The following GNAI2 variants were observed in gnomAD, a reference collection of about 807,000 sequenced individuals.
GNAI2 encodes the protein guanine nucleotide-binding protein G(i) subunit alpha-2.
In GNAI2, 4 loss-of-function variants were observed where a neutral mutation model predicts 36.8. That is an observed-to-expected ratio of 0.11 (90% CI 0.05 to 0.25). GNAI2 has a LOEUF of 0.25. Ranked by LOEUF, GNAI2 falls within the 10% of genes least tolerant of loss-of-function variation. GNAI2 has a pLI of 1.00. For synonymous variants in GNAI2, 194 were observed against 194.1 expected, an observed-to-expected ratio of 1.00 and a Z score of 0.01; for missense variants, 230 against 481.3, an observed-to-expected ratio of 0.48 and a Z score of 4.89.
rs1364508096 is a variant in GNAI2 at position 50,236,755 on chromosome 3, T to TC, written c.118+303dup. On this transcript the variant is annotated intron_variant, in intron 1 of 8. Coordinates refer to ENST00000313601, the MANE Select transcript of GNAI2 (RefSeq NM_002070.4). This position sits in a 1 kb window ranked among gnomAD's most constrained non-coding sequence, Gnocchi z 4.0. ...CCTTGCTAACTAGCTTCACAGAACTTCAGAGCCCCGCCATCCTTCCCTACA... is the reference window on the plus strand; with the variant it reads ...CCTTGCTAACTAGCTTCACAGAACTTCCAGAGCCCCGCCATCCTTCCCTACA... Among the ~76,000 whole-genome samples the TC allele has an allele frequency of 4.0e-5, 6 of 151,174 alleles. No individual in the cohort carries two copies. The East Asian group carries it at 1.2e-3, about 30-fold the overall frequency.
At chr3:50,250,304 C>T (rs1347889984) in intron 1 of GNAI2, among the ~76,000 whole-genome samples, 2 of 152,162 alleles carry the variant, frequency 1.3e-5, no homozygotes, top group African/African-American at 2.4e-5. Context: ...GCACCTTCAT[C>T]CTCTGAGGTT....
chr3:50,254,876 C>T (rs1195514708), intron 4 of GNAI2, among the ~76,000 whole-genome samples: 1 of 152,218 alleles, frequency 6.6e-6, no homozygotes, highest in Non-Finnish European at 1.5e-5. Flanking sequence ...CGGATTGGAA[C>T]ACCACAGGAA....
Position 50,259,163 on chromosome 3 carries a change from G to T in GNAI2, c.*820G>T. 3.0e-6 allele frequency: 1 copy of T among 329,608 alleles called. No individual in the cohort carries two copies. The highest frequency in any genetic ancestry group is 5.9e-6 in the Non-Finnish European group (1 of 169,624). 20.4% of individuals were successfully genotyped at this position (329,608 alleles called of 1,614,324 possible). A position where few individuals can be genotyped will look rare whatever the true frequency, so the allele number is the denominator to read the frequency against. The stretch of plus-strand genomic sequence containing the variant: ...CCCTGCCCCAGCGGCCCTGGCCCCA[G>T]GCTCTATTAACCTAAAATGTAGCTC... On this transcript the variant is annotated 3_prime_UTR_variant, in exon 9 of 9. Transcript: ENST00000313601.
chr3:50,253,246 C>A lies in GNAI2; in HGVS notation c.464+62C>A. On this transcript the variant is annotated intron_variant, in intron 4 of 8. Coordinates refer to ENST00000313601, the MANE Select transcript of GNAI2 (RefSeq NM_002070.4). The surrounding 1 kb of genome is among the most constrained non-coding windows in gnomAD (Gnocchi z 4.2). Reference sequence around the variant, plus strand: ...GGCTGGGGGAGGACTAAAGGCTGGACCGGAGGGCCTGAGAACCCCCAGAAG... The same window carrying A: ...GGCTGGGGGAGGACTAAAGGCTGGAACGGAGGGCCTGAGAACCCCCAGAAG... 1.5e-6 allele frequency: 2 copies of A among 1,372,182 alleles called. No individual in the cohort carries two copies. Among genetic ancestry groups the A allele is most frequent in the African/African-American group, 2.8e-5 (2 of 70,326 alleles). 85.0% of individuals were successfully genotyped at this position (1,372,182 alleles called of 1,614,324 possible). A position where few individuals can be genotyped will look rare whatever the true frequency, so the allele number is the denominator to read the frequency against.
chr3:50,250,525 T>G (rs1553702296), intron 1 of GNAI2, among the ~76,000 whole-genome samples: 1 of 152,196 alleles, frequency 6.6e-6, no homozygotes, highest in African/African-American at 2.4e-5. Flanking sequence ...CTAGAGGTAG[T>G]GCCTGGCAGC....
upstream of GNAI2, among the ~76,000 whole-genome samples, chr3:50,233,724 A>G (rs904179155): frequency 9.9e-5 from 15 of 152,238 alleles, no homozygotes; most frequent in African/African-American, 3.6e-4. Flanking sequence ...GACATGGGAC[A>G]TCATATCCTA....
upstream of GNAI2, among the ~76,000 whole-genome samples, chr3:50,233,024 A>C (rs1553699950): frequency 6.6e-6 from 1 of 151,356 alleles, no homozygotes; most frequent in Non-Finnish European, 1.5e-5. Flanking sequence ...TGGGGCTGGC[A>C]ATCAAAGAAG....
In GNAI2 at chr3:50,259,229, C is replaced by G. The variant is rs1196664446; in HGVS notation, c.*886C>G. On this transcript the variant is annotated 3_prime_UTR_variant, in exon 9 of 9. Coordinates refer to ENST00000313601, the MANE Select transcript of GNAI2 (RefSeq NM_002070.4). The stretch of plus-strand genomic sequence containing the variant: ...GGAACCGCCGCTGCCTGCTGGGGGG[C>G]CACGCCCCTCATGCCCTTGTCCCAG... 4.7e-6 allele frequency: 1 copy of G among 212,070 alleles called. No individual in the cohort carries two copies. The highest frequency in any genetic ancestry group is 2.3e-5 in the African/African-American group (1 of 43,016). The allele number at this position is 212,070 out of a possible 1,614,324, so 13.1% of individuals were successfully genotyped here.
upstream of GNAI2, among the ~76,000 whole-genome samples, chr3:50,234,062 AT>A (rs782209651): frequency 0.05 from 4,127 of 82,512 alleles, 300 homozygotes; most frequent in East Asian, 0.47. Context: ...CGCCCAGCTG[AT>A]TTTTTTTTTT....
chr3:50,255,595 G>A lies in GNAI2; in HGVS notation c.465-597G>A, dbSNP rs1037153149. Among the ~76,000 whole-genome samples the A allele has an allele frequency of 5.3e-5, 8 of 152,152 alleles. No homozygotes were observed. The highest frequency in any genetic ancestry group is 8.8e-5 in the Non-Finnish European group (6 of 68,010). On this transcript the variant is annotated intron_variant, in intron 4 of 8. Coordinates refer to ENST00000313601, the MANE Select transcript of GNAI2 (RefSeq NM_002070.4). The surrounding 1 kb of genome is among the most constrained non-coding windows in gnomAD (Gnocchi z 4.0). Reference sequence around the variant, plus strand: ...TCCAACATCCTGGATCCTGTCCGAGGCAGGTCTGGCTCAGACCCTGGGTGC... The same window carrying A: ...TCCAACATCCTGGATCCTGTCCGAGACAGGTCTGGCTCAGACCCTGGGTGC...
upstream of GNAI2, chr3:50,229,653 C>T (rs1165141000): frequency 1.3e-5 from 2 of 152,372 alleles, no homozygotes; most frequent in Non-Finnish European, 2.9e-5. Flanking sequence ...CCTTCCCAAC[C>T]CAGGGCCCTT....
intron 1 of GNAI2, among the ~76,000 whole-genome samples, chr3:50,246,463 C>A (rs1290922383): frequency 6.6e-6 from 1 of 152,192 alleles, no homozygotes; most frequent in Non-Finnish European, 1.5e-5. Context: ...GTGGCACCTT[C>A]CTGGGATAAG....
At position 50,256,329 on chromosome 3, in the gene GNAI2, G is replaced by A. The variant is rs1553703174; in HGVS notation, c.593+9G>A. 1.2e-6 allele frequency: 2 copies of A among 1,613,718 alleles called. No individual in the cohort carries two copies. Among genetic ancestry groups the A allele is most frequent in the Non-Finnish European group, 1.7e-6 (2 of 1,179,646 alleles). ...AAGGACCTACACTTCAAGTGAGCGA[G>A]CATGTGGACAGGTGGGAGGGGCAGG... is the stretch of plus-strand genomic sequence containing the variant. On this transcript the variant is annotated intron_variant, in intron 5 of 8. Coordinates refer to ENST00000313601, the MANE Select transcript of GNAI2 (RefSeq NM_002070.4).
In GNAI2 at chr3:50,236,347, C is replaced by A. The variant is rs782141043; in HGVS notation, c.12C>A (p.Thr4=). The A allele has an allele frequency of 6.6e-7, 1 of 1,516,658 alleles. No individual in the cohort carries two copies. The highest frequency in any genetic ancestry group is 8.8e-7 in the Non-Finnish European group (1 of 1,141,080). The allele number at this position is 1,516,658 out of a possible 1,614,324, so 94.0% of individuals were successfully genotyped here. A position where few individuals can be genotyped will look rare whatever the true frequency, so the allele number is the denominator to read the frequency against. MGC[T]VSAEDKAAAE... is the part of the protein sequence containing the mutation. ...CGGCGGACGGCGGGATGGGCTGCACCGTGAGCGCCGAGGACAAGGCGGCGG... is the reference window on the plus strand; with the variant it reads ...CGGCGGACGGCGGGATGGGCTGCACAGTGAGCGCCGAGGACAAGGCGGCGG... Residue 4 remains threonine (T), a synonymous_variant, in exon 1 of 9, where the codon ACC becomes ACA. Transcript: ENST00000313601. The surrounding 1 kb of genome is among the most constrained non-coding windows in gnomAD (Gnocchi z 4.0).
rs1269775510 is a variant in GNAI2, at chr3:50,255,366, CTG to C, written c.465-823_465-822del. Among the ~76,000 whole-genome samples, 2 of 152,210 alleles carry C rather than the reference CTG, an allele frequency of 1.3e-5. No homozygotes were observed. The highest frequency in any genetic ancestry group is 4.8e-5 in the African/African-American group (2 of 41,456). ...CCTGGGACCCCTGCCAAGCAGGTGT[CTG>C]TGCCCTCCCCCTGAGGAACCCAGAT... On this transcript the variant is annotated intron_variant, in intron 4 of 8. Coordinates refer to ENST00000313601, the MANE Select transcript of GNAI2 (RefSeq NM_002070.4). The surrounding 1 kb of genome is among the most constrained non-coding windows in gnomAD (Gnocchi z 4.0).
chr3:50,243,390 C>G (rs1217453627), intron 1 of GNAI2, among the ~76,000 whole-genome samples: 1 of 152,256 alleles, frequency 6.6e-6, no homozygotes, highest in South Asian at 2.1e-4. Flanking sequence ...CATTGCTCTC[C>G]AAAGCCGGAA....
chr3:50,256,176 C>CCCCCA lies in GNAI2; in HGVS notation c.465-16_465-15insCCCCA. On this transcript the variant is annotated splice_polypyrimidine_tract_variant and intron_variant, in intron 4 of 8. Coordinates refer to ENST00000313601, the MANE Select transcript of GNAI2 (RefSeq NM_002070.4). ...CCATGCTGGCCCCCACTGACCCTCC[C>CCCCCA]ACCCCCCATCCCCAGCTACCTGAAC... is the stretch of plus-strand genomic sequence containing the variant. 1.4e-6 allele frequency: 2 copies of CCCCCA among 1,399,396 alleles called. No homozygotes were observed. The highest frequency in any genetic ancestry group is 1.4e-5 in the African/African-American group (1 of 70,220). The allele number at this position is 1,399,396 out of a possible 1,614,324, so 86.7% of individuals were successfully genotyped here. A position where few individuals can be genotyped will look rare whatever the true frequency, so the allele number is the denominator to read the frequency against.
In GNAI2 at chr3:50,241,954, C is replaced by T. The variant is rs2109190763; in HGVS notation, c.118+5501C>T. 6.6e-6 allele frequency among the ~76,000 whole-genome samples: 1 copy of T among 152,240 alleles called. No individual in the cohort carries two copies. The highest frequency in any genetic ancestry group is 2.1e-4 in the South Asian group (1 of 4,830). ...GGTAGTGCTGAGGGTGGGGTGTGGT[C>T]AGGTCCCAGCAAGGTCCCTAGGCCT... On this transcript the variant is annotated intron_variant, in intron 1 of 8. Transcript: ENST00000313601. This position sits in a 1 kb window ranked among gnomAD's most constrained non-coding sequence, Gnocchi z 5.0.
At chr3:50,227,480 C>T, upstream of GNAI2, 2 of 267,660 alleles carry the variant, frequency 7.5e-6, no homozygotes. The surrounding 1 kb of genome is among the most constrained non-coding windows in gnomAD (Gnocchi z 5.9). Context: ...TCGGCTCCCG[C>T]GCCGCACCCC....
Sources: allele counts gnomAD v4.1 joint callset (sites outside exome capture counted in the v4.1 genomes callset), GRCh38; gene constraint gnomAD v4.1.1; non-coding constraint Gnocchi (gnomAD v3.1); transcripts MANE v1.5; gene names NCBI Gene and HGNC (gene_info 2026-07-23, HGNC 2026-07-21).